ADAMTS12: variants seen among roughly 807,000 people sequenced by gnomAD.
ADAMTS12 encodes ADAM metallopeptidase with thrombospondin type 1 motif 12, also known as A disintegrin and metalloproteinase with thrombospondin motifs 12.
In ADAMTS12, 118 loss-of-function variants were observed where a neutral mutation model predicts 167.8. That is an observed-to-expected ratio of 0.70 (90% CI 0.61 to 0.82). ADAMTS12 has a LOEUF of 0.82. Ranked by LOEUF, ADAMTS12 falls within the 40% of genes least tolerant of loss-of-function variation. ADAMTS12 has a pLI of 0.00. For synonymous variants in ADAMTS12, 704 were observed against 716.9 expected (o/e 0.98, Z 0.29); for missense variants, 1,916 against 1,998.8 (o/e 0.96, Z 0.79).
intron 22 of ADAMTS12, among the ~76,000 whole-genome samples, chr5:33,535,351 T>C (rs1422504302): frequency 1.3e-5 from 2 of 152,184 alleles, no homozygotes; most frequent in Non-Finnish European, 2.9e-5. Context: ...CACACATGAC[T>C]GCTCTAGGGA....
intron 3 of ADAMTS12, among the ~76,000 whole-genome samples, chr5:33,695,782 T>A (rs1412779535): frequency 6.6e-6 from 1 of 152,176 alleles, no homozygotes; most frequent in Non-Finnish European, 1.5e-5. Flanking sequence ...GAGGGATGGA[T>A]GGTGATGATG....
Position 33,525,515 on chromosome 5 carries a change from G to A in ADAMTS12, c.*1673C>T, listed in dbSNP as rs996119965. 5 of 152,134 alleles carry A rather than the reference G, an allele frequency of 3.3e-5. No individual in the cohort carries two copies. The highest frequency in any genetic ancestry group is 9.7e-5 in the African/African-American group (4 of 41,420). 9.4% of individuals were successfully genotyped at this position (152,134 alleles called of 1,614,324 possible). ...AAAACTGGCATTGGTCAGCAACACCGTTACATGTTTAACAGAAGATGTATA... is the reference window on the plus strand; with the variant it reads ...AAAACTGGCATTGGTCAGCAACACCATTACATGTTTAACAGAAGATGTATA... On this transcript the variant is annotated 3_prime_UTR_variant, in exon 24 of 24. Coordinates refer to ENST00000504830, the MANE Select transcript of ADAMTS12 (RefSeq NM_030955.4).
chr5:33,718,810 G>A (rs773315810), intron 3 of ADAMTS12, among the ~76,000 whole-genome samples: 1 of 152,326 alleles, frequency 6.6e-6, no homozygotes. Context: ...CAGTACAGCA[G>A]TGCACTTTCT....
Position 33,680,636 on chromosome 5 carries a change from G to T in ADAMTS12, c.915+2382C>A, listed in dbSNP as rs543046765. 1.7e-4 allele frequency among the ~76,000 whole-genome samples: 26 copies of T among 151,924 alleles called. 1 individual carries two copies. The South Asian group carries it at 5.4e-3, about 32-fold the overall frequency. On this transcript the variant is annotated intron_variant, in intron 5 of 23. Coordinates refer to ENST00000504830, the MANE Select transcript of ADAMTS12 (RefSeq NM_030955.4). ...AGGTATCAAAGCATGCTTTTCAAAA[G>T]TCAAAAACACAATTTTCATACAAAT...
chr5:33,640,689 T>C (rs1740403944), intron 11 of ADAMTS12, among the ~76,000 whole-genome samples: 1 of 152,056 alleles, frequency 6.6e-6, no homozygotes, highest in African/African-American at 2.4e-5. Flanking sequence ...AAATGCATGC[T>C]TATAAATGTG....
chr5:33,545,177 A>G (rs1744908915), intron 22 of ADAMTS12, among the ~76,000 whole-genome samples: 1 of 152,216 alleles, frequency 6.6e-6, no homozygotes, highest in Admixed American at 6.5e-5. Flanking sequence ...ACAAACAAGC[A>G]ACCCCATCAA....
At chr5:33,694,926 G>T (rs1017556171) in intron 3 of ADAMTS12, among the ~76,000 whole-genome samples, 4 of 152,116 alleles carry the variant, frequency 2.6e-5, no homozygotes, top group Non-Finnish European at 5.9e-5. Context: ...AATTACCTAT[G>T]TGACTTCATT....
intron 5 of ADAMTS12, among the ~76,000 whole-genome samples, chr5:33,680,972 T>C (rs1742091038): frequency 6.6e-6 from 1 of 152,228 alleles, no homozygotes; most frequent in Non-Finnish European, 1.5e-5. Context: ...CCTATCATTT[T>C]CTACATGTCA....
chr5:33,683,240 G>A (rs371296743), intron 4 of ADAMTS12, 139 bp from the exon 5 acceptor site: 3 of 583,986 alleles, frequency 5.1e-6, no homozygotes, highest in East Asian at 3.1e-5. Context: ...GCTAAGAAGA[G>A]TGAAATATGC....
intron 2 of ADAMTS12, among the ~76,000 whole-genome samples, chr5:33,852,577 T>C (rs934072477): frequency 6.6e-6 from 1 of 152,344 alleles, no homozygotes; most frequent in East Asian, 1.9e-4. Flanking sequence ...AATAGTTTAT[T>C]GTCCTCCCAG....
At chr5:33,811,559 A>T (rs1487865446) in intron 2 of ADAMTS12, among the ~76,000 whole-genome samples, 6 of 152,208 alleles carry the variant, frequency 3.9e-5, no homozygotes, top group Non-Finnish European at 4.4e-5. Flanking sequence ...ACTGTGTTCA[A>T]GGAACCAGAG....
At chr5:33,621,315 G>T (rs564796888) in intron 14 of ADAMTS12, among the ~76,000 whole-genome samples, 1 of 149,996 alleles carries the variant, frequency 6.7e-6, no homozygotes, top group East Asian at 2.0e-4. Context: ...CAGGAGAATT[G>T]CTTGAACCCA....
intron 3 of ADAMTS12, among the ~76,000 whole-genome samples, chr5:33,721,823 G>A (rs1054150693): frequency 1.3e-5 from 2 of 152,110 alleles, no homozygotes; most frequent in South Asian, 2.1e-4. Context: ...AGTGACACCC[G>A]GCAGCTCAGC....
intron 3 of ADAMTS12, among the ~76,000 whole-genome samples, chr5:33,725,255 T>C (rs1419608050): frequency 6.6e-6 from 1 of 152,234 alleles, no homozygotes; most frequent in Non-Finnish European, 1.5e-5. Context: ...AGCATTCTAC[T>C]TGAATTCCAA....
chr5:33,633,503 T>C (rs115971052), intron 12 of ADAMTS12, among the ~76,000 whole-genome samples: 104 of 151,906 alleles, frequency 6.8e-4, no homozygotes, highest in African/African-American at 2.4e-3. Context: ...CTCCCAGAGC[T>C]CCCACCACCA....
At chr5:33,582,756 C>T (rs1410478350) in intron 18 of ADAMTS12, among the ~76,000 whole-genome samples, 2 of 152,182 alleles carry the variant, frequency 1.3e-5, no homozygotes, top group African/African-American at 2.4e-5. Context: ...CATGTCCCAT[C>T]AAATATATTC....
chr5:33,660,998 A>G (rs928788614), intron 6 of ADAMTS12, among the ~76,000 whole-genome samples: 4 of 152,170 alleles, frequency 2.6e-5, no homozygotes, highest in African/African-American at 9.6e-5. Flanking sequence ...GACAGATCAC[A>G]GGGCCAAAAT....
At chr5:33,611,134 A>C (rs1210914606) in intron 16 of ADAMTS12, among the ~76,000 whole-genome samples, 2 of 152,358 alleles carry the variant, frequency 1.3e-5, no homozygotes, top group East Asian at 3.9e-4. Context: ...AAAGCATGGT[A>C]TAGTGCATAT....
At chr5:33,530,469 G>A (rs1367720445) in intron 23 of ADAMTS12, among the ~76,000 whole-genome samples, 1 of 152,200 alleles carries the variant, frequency 6.6e-6, no homozygotes, top group Non-Finnish European at 1.5e-5. Flanking sequence ...GCATCACAAA[G>A]CCGCCCCAGT....
Sources: gnomAD v4.1 joint callset for allele counts (sites outside exome capture counted in the v4.1 genomes callset) on GRCh38, gnomAD v4.1.1 for gene constraint, MANE v1.5 for transcripts, NCBI Gene and HGNC (gene_info 2026-07-23, HGNC 2026-07-21) for gene names.